The following FAM193A variants were observed in gnomAD, a reference collection of about 807,000 sequenced individuals.
FAM193A encodes family with sequence similarity 193 member A.
A neutral mutation model predicts 126.5 loss-of-function variants in FAM193A; 22 were observed. That is an observed-to-expected ratio of 0.17 (90% CI 0.12 to 0.25). The LOEUF (loss-of-function observed/expected upper bound fraction) is 0.25. Among genes scored for constraint, FAM193A ranks in the 10% least tolerant of loss-of-function variants. The probability of loss-of-function intolerance (pLI) is 1.00; values close to 1 mark genes in which losing one functional copy is unlikely to be tolerated. For missense variants in FAM193A, 1,675 were observed against 1,672.8 expected, an observed-to-expected ratio of 1.00 and a Z score of -0.02; for synonymous variants, 761 against 646.8, an observed-to-expected ratio of 1.18 and a Z score of -2.68.
At chr4:2,611,838 ATTT>A (rs1339000637) in intron 2 of FAM193A, among the ~76,000 whole-genome samples, 3 of 136,212 alleles carry the variant, frequency 2.2e-5, no homozygotes. Context: ...GATCAAATCC[ATTT>A]TTTTTTTTTT....
intron 7 of FAM193A, chr4:2,654,378 A>ATTTTTTTTTTTTTTTTTTTTTTTTT (rs372926172): frequency 8.7e-6 from 1 of 114,588 alleles, no homozygotes; most frequent in African/African-American, 3.4e-5. Flanking sequence ...TGCCTGGCTA[A>ATTTTTTTTTTTTTTTTTTTTTTTTT]TTTTTTTTTT....
At chr4:2,539,664 C>T (rs1560427214) in intron 1 of FAM193A, among the ~76,000 whole-genome samples, 1 of 152,064 alleles carries the variant, frequency 6.6e-6, no homozygotes, top group Non-Finnish European at 1.5e-5. Context: ...ATCTCTGCCT[C>T]CCAAAGTGCT....
intron 7 of FAM193A, among the ~76,000 whole-genome samples, chr4:2,651,357 C>G (rs1334564475): frequency 6.6e-6 from 1 of 152,064 alleles, no homozygotes; most frequent in Non-Finnish European, 1.5e-5. Context: ...AACAAAAAAC[C>G]TACCTGATTC....
intron 18 of FAM193A, among the ~76,000 whole-genome samples, chr4:2,698,171 C>T (rs1196670305): frequency 6.6e-6 from 1 of 152,258 alleles, no homozygotes; most frequent in African/African-American, 2.4e-5. Context: ...GACCTATGGA[C>T]TCTGTCCCGT....
intron 19 of FAM193A, among the ~76,000 whole-genome samples, chr4:2,701,862 C>T (rs1032097429): frequency 9.2e-5 from 14 of 151,876 alleles, no homozygotes; most frequent in African/African-American, 2.7e-4. Context: ...CCACAACCTC[C>T]GCTTCCCGGG....
chr4:2,695,735 A>C (rs751733257), intron 17 of FAM193A, among the ~76,000 whole-genome samples: 1 of 152,212 alleles, frequency 6.6e-6, no homozygotes, highest in Non-Finnish European at 1.5e-5. Context: ...GATACTACAG[A>C]CACATTTATT....
chr4:2,642,686 C>T (rs933744797), intron 6 of FAM193A, among the ~76,000 whole-genome samples: 3 of 151,406 alleles, frequency 2.0e-5, no homozygotes, highest in Admixed American at 6.6e-5. Context: ...GCCTGTCAGA[C>T]TGTGGGTGGG....
At chr4:2,679,375 CTTTTTTTTTTTTT>C (rs796366785) in intron 13 of FAM193A, among the ~76,000 whole-genome samples, 3 of 87,896 alleles carry the variant, frequency 3.4e-5, no homozygotes, top group Non-Finnish European at 4.6e-5. Context: ...AGTTTTCTTT[CTTTTTTTTTTTTT>C]TTTTTTTTTT....
chr4:2,632,301 C>G (rs757714196), intron 5 of FAM193A, among the ~76,000 whole-genome samples: 2 of 152,120 alleles, frequency 1.3e-5, no homozygotes, highest in Non-Finnish European at 2.9e-5. Context: ...TGTGGTGGCT[C>G]ATACCTGTAA....
chr4:2,639,079 A>G (rs927645476), intron 5 of FAM193A, among the ~76,000 whole-genome samples: 4 of 152,212 alleles, frequency 2.6e-5, no homozygotes, highest in Non-Finnish European at 5.9e-5. Context: ...TGAACATTAC[A>G]TTTAGGAAAG....
chr4:2,634,917 A>C (rs911432814), intron 5 of FAM193A, among the ~76,000 whole-genome samples: 3 of 152,206 alleles, frequency 2.0e-5, no homozygotes. Flanking sequence ...CCAGATGCGC[A>C]GTTAATCAGC....
chr4:2,669,230 C>A (rs780971673), intron 12 of FAM193A, among the ~76,000 whole-genome samples: 2 of 152,232 alleles, frequency 1.3e-5, no homozygotes, highest in Non-Finnish European at 2.9e-5. Context: ...AAGTTACCGT[C>A]TTGTTTTTAC....
intron 1 of FAM193A, among the ~76,000 whole-genome samples, chr4:2,579,060 T>G (rs1739769065): frequency 6.6e-6 from 1 of 151,954 alleles, no homozygotes; most frequent in African/African-American, 2.4e-5. Context: ...GGTCTTGCTT[T>G]TGTTGCCCAG....
chr4:2,667,500 A>AT (rs1489835020), intron 12 of FAM193A, among the ~76,000 whole-genome samples: 6 of 152,022 alleles, frequency 3.9e-5, no homozygotes, highest in Non-Finnish European at 8.8e-5. Context: ...TTTGGGGGTG[A>AT]TGTTATTGAA....
Position 2,646,701 on chromosome 4 carries a change from C to T in FAM193A, c.1180C>T (p.His394Tyr). 6.2e-7 allele frequency: 1 copy of T among 1,609,266 alleles called. No individual in the cohort carries two copies. The highest frequency in any genetic ancestry group is 8.5e-7 in the Non-Finnish European group (1 of 1,177,804). The change falls in exon 7 of 21, where the codon CAC becomes TAC. Residue 394 changes from histidine to tyrosine, a missense_variant. Transcript: ENST00000637812. ...CTCTCCTAGGCTAGGAACCACCACA[C>T]ACGACACCTGCAGTGAGGACACATA... Reference protein sequence around the residue: ...VSQIRLGTTTHDTCSEDTYST... With the variant: ...VSQIRLGTTTYDTCSEDTYST...
Position 2,677,614 on chromosome 4 carries a change from G to GC in FAM193A, c.2331+5244dup, listed in dbSNP as rs963329393. Among the ~76,000 whole-genome samples the GC allele has an allele frequency of 4.6e-5, 7 of 151,880 alleles. No individual in the cohort carries two copies. In the South Asian group the frequency reaches 1.5e-3, roughly 32 times the overall value. ...AAATTAGCCGGGCGTGGTGGCACGT[G>GC]CCTGTAGTCCCAGTTACTCGGGAGG... is the stretch of plus-strand genomic sequence containing the variant. On this transcript the variant is annotated intron_variant, in intron 13 of 20. Coordinates refer to ENST00000637812, the MANE Select transcript of FAM193A (RefSeq NM_001366318.2).
At chr4:2,694,021 G>A in intron 16 of FAM193A, 147 bp downstream of exon 16, 3 of 870,518 alleles carry the variant, frequency 3.4e-6, no homozygotes, top group South Asian at 1.8e-5. Flanking sequence ...CCCCAGCAGA[G>A]GCCATGGGTA....
At chr4:2,559,614 C>T (rs1413160494) in intron 1 of FAM193A, among the ~76,000 whole-genome samples, 1 of 152,118 alleles carries the variant, frequency 6.6e-6, no homozygotes, top group Non-Finnish European at 1.5e-5. Context: ...CTAGTCTGGT[C>T]TTCCTTACTC....
At chr4:2,549,938 A>G (rs1033633575) in intron 1 of FAM193A, among the ~76,000 whole-genome samples, 3 of 150,184 alleles carry the variant, frequency 2.0e-5, no homozygotes, top group African/African-American at 4.9e-5. Context: ...CATATTGGCC[A>G]GGCTGATCTC....
Sources: allele counts gnomAD v4.1 joint callset (sites outside exome capture counted in the v4.1 genomes callset), GRCh38; gene constraint gnomAD v4.1.1; transcripts MANE v1.5; gene names NCBI Gene and HGNC (gene_info 2026-07-23, HGNC 2026-07-21).